SRCIN1: variants seen among roughly 807,000 people sequenced by gnomAD.
The protein encoded by SRCIN1 is P130Cas-associated protein.
A neutral mutation model predicts 116.2 loss-of-function variants in SRCIN1; 50 were observed. That is an observed-to-expected ratio of 0.43 (90% confidence interval 0.34 to 0.54). SRCIN1 has a LOEUF of 0.54. SRCIN1 is among the 20% of genes least tolerant of loss of function. SRCIN1 has a pLI of 0.02. For missense variants in SRCIN1, 1,446 were observed against 1,672.0 expected (o/e 0.86, Z 2.36); for synonymous variants, 736 against 750.0 (o/e 0.98, Z 0.30).
At chr17:38,541,415 A>T (rs1395795073) in intron 18 of SRCIN1, 1 of 152,154 alleles carries the variant, frequency 6.6e-6, no homozygotes, top group Middle Eastern at 3.2e-3. Flanking sequence ...CCTGAGGGAG[A>T]CAGCAGCTGG....
chr17:38,547,646 G>A, intron 17 of SRCIN1: 1 of 241,110 alleles, frequency 4.1e-6, no homozygotes. Context: ...TGGCCATGGT[G>A]GGACTTGGGA....
intron 3 of SRCIN1, among the ~76,000 whole-genome samples, chr17:38,565,989 C>G (rs1330955207): frequency 6.6e-6 from 1 of 152,166 alleles, no homozygotes; most frequent in African/African-American, 2.4e-5. Flanking sequence ...TTCATCCCAG[C>G]TGAAGGGCGG....
chr17:38,600,273 G>A (rs768830002), intron 1 of SRCIN1, among the ~76,000 whole-genome samples: 6 of 152,290 alleles, frequency 3.9e-5, no homozygotes, highest in Middle Eastern at 6.8e-3. Context: ...GCCCCAGGAC[G>A]GGGTAGATAT....
intron 17 of SRCIN1, among the ~76,000 whole-genome samples, chr17:38,546,158 C>T (rs1905060153): frequency 6.6e-6 from 1 of 152,220 alleles, no homozygotes; most frequent in South Asian, 2.1e-4. Context: ...GTGAGTGAAT[C>T]CTGGTCTAAC....
chr17:38,552,438 C>T lies in SRCIN1; in HGVS notation c.2480+9G>A. ...CCCATGGGAAATCAGAGGTCAGGGA[C>T]AGAATGACCTTCGGATCTGGGCCAG... On this transcript the variant is annotated intron_variant, in intron 13 of 18. Coordinates refer to ENST00000617146, the MANE Select transcript of SRCIN1 (RefSeq NM_025248.3). This position sits in a 1 kb window ranked among gnomAD's most constrained non-coding sequence, Gnocchi z 5.3. 6.3e-7 allele frequency: 1 copy of T among 1,597,962 alleles called. No individual in the cohort carries two copies. The highest frequency in any genetic ancestry group is 8.5e-7 in the Non-Finnish European group (1 of 1,173,262).
At chr17:38,561,391 G>A in intron 7 of SRCIN1, 72 bp downstream of exon 7, 1 of 1,410,904 alleles carries the variant, frequency 7.1e-7, no homozygotes, top group African/African-American at 1.5e-5. Context: ...ACCTGCCACG[G>A]ACTCTGCTGT....
Position 38,562,702 on chromosome 17 carries a change from C to T in SRCIN1, c.834+125G>A. The T allele has an allele frequency of 1.2e-6, 1 of 815,694 alleles. No homozygotes were observed. The highest frequency in any genetic ancestry group is 1.6e-5 in the South Asian group (1 of 63,400). 50.5% of individuals were successfully genotyped at this position (815,694 alleles called of 1,614,324 possible). On this transcript the variant is annotated intron_variant, in intron 6 of 18. Transcript: ENST00000617146. This position sits in a 1 kb window ranked among gnomAD's most constrained non-coding sequence, Gnocchi z 4.2. Reference sequence around the variant, plus strand: ...AGGTGGGACAGGGGCTCTTCCCTAACCCCTCAGCCCCTATGCTGTCTTCTC... The same window carrying T: ...AGGTGGGACAGGGGCTCTTCCCTAATCCCTCAGCCCCTATGCTGTCTTCTC...
rs187436513 is a variant in SRCIN1 at position 38,560,057 on chromosome 17, C to T, written c.1834G>A (p.Ala612Thr). ...EGSNGAATPS[A>T]PCGSGGRSSG... Reference sequence around the variant, plus strand: ...GGGGAGGGGGAGGTTCACTCACGTGCTGAGGGGGTGGCTGCTCCATTGGAG... The same window carrying T: ...GGGGAGGGGGAGGTTCACTCACGTGTTGAGGGGGTGGCTGCTCCATTGGAG... The change falls in exon 9 of 19, where the codon GCA (alanine) becomes ACA (threonine). Residue 612 changes from alanine to threonine, a missense_variant. By Grantham distance (58) the Ala-to-Thr change is moderately conservative. Coordinates refer to ENST00000617146, the MANE Select transcript of SRCIN1 (RefSeq NM_025248.3). The T allele has an allele frequency of 3.9e-6, 6 of 1,557,830 alleles. No individual in the cohort carries two copies. Among genetic ancestry groups the T allele is most frequent in the African/African-American group, 1.4e-5 (1 of 73,430 alleles).
At chr17:38,549,577 G>GCTCTAAC (rs1036452219) in intron 15 of SRCIN1, among the ~76,000 whole-genome samples, 1 of 152,182 alleles carries the variant, frequency 6.6e-6, no homozygotes, top group African/African-American at 2.4e-5. Context: ...GAGAGGCGCT[G>GCTCTAAC]CTCTAACCAC....
chr17:38,534,294 G>A (rs1016556691), intron 18 of SRCIN1, among the ~76,000 whole-genome samples: 2 of 152,190 alleles, frequency 1.3e-5, no homozygotes, highest in African/African-American at 2.4e-5. Context: ...CCTCTGGCAT[G>A]CATCGTGAAT....
intron 1 of SRCIN1, among the ~76,000 whole-genome samples, chr17:38,588,071 A>AGG (rs1315100456): frequency 2.1e-5 from 3 of 145,902 alleles, no homozygotes; most frequent in African/African-American, 7.8e-5. Flanking sequence ...AAAAAAAAAA[A>AGG]AGGAAGAAGA....
At chr17:38,543,029 T>C (rs1288720029) in intron 18 of SRCIN1, 1 of 454,602 alleles carries the variant, frequency 2.2e-6, no homozygotes, top group African/African-American at 2.0e-5. Context: ...TCACAACATC[T>C]GGGTCCAGGA....
intron 3 of SRCIN1, among the ~76,000 whole-genome samples, chr17:38,567,880 C>T (rs1484061110): frequency 6.6e-6 from 1 of 152,228 alleles, no homozygotes; most frequent in Non-Finnish European, 1.5e-5. Context: ...AAGTCCCTAA[C>T]TCAGAGGCAG....
In SRCIN1 at chr17:38,544,110, C is replaced by T. The variant is rs1904928111; in HGVS notation, c.3271-141G>A. 9.6e-7 allele frequency: 1 copy of T among 1,040,228 alleles called. No individual in the cohort carries two copies. Among genetic ancestry groups the T allele is most frequent in the East Asian group, 2.7e-5 (1 of 36,828 alleles). 64.4% of individuals were successfully genotyped at this position (1,040,228 alleles called of 1,614,324 possible). ...ACCTGGAGACCCCTCTCTAGCTCCA[C>T]ACCCGAGTCCAGAACCCAGGTCCAC... On this transcript the variant is annotated intron_variant, in intron 17 of 18. Coordinates refer to ENST00000617146, the MANE Select transcript of SRCIN1 (RefSeq NM_025248.3). This position sits in a 1 kb window ranked among gnomAD's most constrained non-coding sequence, Gnocchi z 4.5.
intron 11 of SRCIN1, among the ~76,000 whole-genome samples, chr17:38,554,542 C>T (rs749827692): frequency 1.1e-4 from 16 of 152,176 alleles, no homozygotes; most frequent in Non-Finnish European, 1.2e-4. Flanking sequence ...CCTCCCCTTG[C>T]GGCTGTTGGG....
intron 18 of SRCIN1, among the ~76,000 whole-genome samples, chr17:38,540,245 G>C (rs1179915762): frequency 6.6e-6 from 1 of 152,086 alleles, no homozygotes; most frequent in East Asian, 1.9e-4. Context: ...TGACTACTCT[G>C]TGGGGTCAGG....
At chr17:38,584,127 G>A (rs1234008936) in intron 1 of SRCIN1, among the ~76,000 whole-genome samples, 1 of 152,188 alleles carries the variant, frequency 6.6e-6, no homozygotes, top group African/African-American at 2.4e-5. Flanking sequence ...AGCATGGCTG[G>A]GTTCTGCTGG....
intron 1 of SRCIN1, among the ~76,000 whole-genome samples, chr17:38,597,542 T>C (rs1355603183): frequency 6.6e-6 from 1 of 152,224 alleles, no homozygotes; most frequent in Non-Finnish European, 1.5e-5. Context: ...CTACCCACTC[T>C]GTGAGGAAGC....
chr17:38,548,734 A>C, intron 16 of SRCIN1, 25 bp from the exon 17 acceptor site: 1 of 1,558,314 alleles, frequency 6.4e-7, no homozygotes, highest in Non-Finnish European at 8.6e-7. Context: ...ACTCCTGTCA[A>C]GGCCAGGCTC....
Sources: gnomAD v4.1 joint callset for allele counts (sites outside exome capture counted in the v4.1 genomes callset) on GRCh38, gnomAD v4.1.1 for gene constraint, Gnocchi (gnomAD v3.1) non-coding constraint, MANE v1.5 for transcripts, NCBI Gene and HGNC (gene_info 2026-07-23, HGNC 2026-07-21) for gene names.